The following SYNE1 variants were observed in gnomAD, a reference collection of about 807,000 sequenced individuals.
SYNE1 encodes nesprin-1.
In SYNE1, 616 loss-of-function variants were observed where a neutral mutation model predicts 1,111.0. The observed-to-expected ratio is 0.55, with a 90% CI of 0.52 to 0.59. SYNE1 has a LOEUF of 0.59. Ranked by LOEUF, SYNE1 falls within the 20% of genes least tolerant of loss-of-function variation. The pLI, the probability that SYNE1 is intolerant of heterozygous loss-of-function variation, is 0.00. For synonymous variants in SYNE1, 3,855 were observed against 3,825.8 expected (o/e 1.01, Z -0.28); for missense variants, 10,006 against 10,417.0 (o/e 0.96, Z 1.72).
chr6:152,279,416 A>C (rs1049009027), intron 97 of SYNE1, among the ~76,000 whole-genome samples: 3 of 152,026 alleles, frequency 2.0e-5, no homozygotes, highest in African/African-American at 7.2e-5. Flanking sequence ...CAAAATCAAA[A>C]TTAAGAATAT....
At chr6:152,204,164 A>C (rs2076053257) in intron 126 of SYNE1, among the ~76,000 whole-genome samples, 1 of 152,142 alleles carries the variant, frequency 6.6e-6, no homozygotes, top group South Asian at 2.1e-4. Context: ...CAGGAGTTCG[A>C]GACCAGCCTG....
At chr6:152,181,484 C>A (rs2068074271) in intron 128 of SYNE1, among the ~76,000 whole-genome samples, 1 of 152,164 alleles carries the variant, frequency 6.6e-6, no homozygotes, top group Non-Finnish European at 1.5e-5. Context: ...CTCCTCCTCA[C>A]TTACCTCCCA....
At chr6:152,151,212 A>ACT (rs1256251636) in intron 135 of SYNE1, among the ~76,000 whole-genome samples, 6 of 148,200 alleles carry the variant, frequency 4.0e-5, no homozygotes, top group Admixed American at 6.8e-5. Flanking sequence ...ACAGAGTGAG[A>ACT]CTCTCTCTAA....
At chr6:152,385,021 C>T (rs1055479329) in intron 55 of SYNE1, among the ~76,000 whole-genome samples, 1 of 152,070 alleles carries the variant, frequency 6.6e-6, no homozygotes, top group African/African-American at 2.4e-5. Context: ...CTATTTATTC[C>T]TAACATTTCC....
chr6:152,222,974 T>C (rs1013281412), intron 117 of SYNE1, among the ~76,000 whole-genome samples: 1 of 152,206 alleles, frequency 6.6e-6, no homozygotes, highest in Non-Finnish European at 1.5e-5. Context: ...GTTGTTTCTC[T>C]GGAAATAGTG....
intron 73 of SYNE1, among the ~76,000 whole-genome samples, chr6:152,345,893 T>C (rs2096620286): frequency 6.6e-6 from 1 of 152,232 alleles, no homozygotes; most frequent in Non-Finnish European, 1.5e-5. Context: ...CCCACTTAAG[T>C]GTAAGTCATA....
At chr6:152,196,429 C>T (rs1433222891) in intron 127 of SYNE1, among the ~76,000 whole-genome samples, 5 of 151,980 alleles carry the variant, frequency 3.3e-5, no homozygotes, top group Non-Finnish European at 1.5e-5. Flanking sequence ...GACCCAAGGC[C>T]CACAGTGTGT....
At chr6:152,394,910 G>A (rs2097707949) in intron 51 of SYNE1, among the ~76,000 whole-genome samples, 1 of 149,254 alleles carries the variant, frequency 6.7e-6, no homozygotes, top group Admixed American at 6.7e-5. Context: ...AGCCTCCCGG[G>A]TAGCTGGAAT....
At chr6:152,249,045 C>G in intron 105 of SYNE1, 116 bp downstream of exon 105, 1 of 760,402 alleles carries the variant, frequency 1.3e-6, no homozygotes, top group Non-Finnish European at 2.3e-6. Context: ...AACAAAAATA[C>G]TACAAACAAA....
Position 152,330,078 on chromosome 6 carries a change from A to G in SYNE1, c.14607T>C (p.Thr4869=), listed in dbSNP as rs1291845572. 6.2e-7 allele frequency: 1 copy of G among 1,614,054 alleles called. No homozygotes were observed. Among genetic ancestry groups the G allele is most frequent in the Non-Finnish European group, 8.5e-7 (1 of 1,180,026 alleles). Residue 4869 remains threonine, a synonymous_variant, in exon 78 of 146, where the codon ACT becomes ACC. Coordinates refer to ENST00000367255, the MANE Select transcript of SYNE1 (RefSeq NM_182961.4). ...CTGTCACCGTCTCACCAATGGCAGA[A>G]GTCAACAGTTTTAACTCCCCTTGCC... ...QSWQGELKLL[T]SAIGETVTEC...
In SYNE1 at chr6:152,331,462, G is replaced by A. The variant is rs886061204; in HGVS notation, c.13223C>T (p.Ala4408Val). 1 of 1,614,128 alleles carries A rather than the reference G, an allele frequency of 6.2e-7. No homozygotes were observed. Among genetic ancestry groups the A allele is most frequent in the East Asian group, 2.2e-5 (1 of 44,876 alleles). ...QMLLKSLIKD[A>V]DRVMADLGLN... ...ACCAAGATCTGCCATGACCCTGTCT[G>A]CGTCCTTTATAAGCGATTTCAGGAG... The change falls in exon 78 of 146, where the codon GCA becomes GTA. Residue 4408 changes from alanine to valine, a missense_variant. Ala to Val is a moderately conservative substitution (Grantham distance 64). This residue lies in a region of SYNE1 where 4,955 missense variants were observed against 5,017.2 expected (regional missense o/e 0.99). Coordinates refer to ENST00000367255, the MANE Select transcript of SYNE1 (RefSeq NM_182961.4).
intron 95 of SYNE1, among the ~76,000 whole-genome samples, chr6:152,288,669 C>T (rs2153747674): frequency 6.6e-6 from 1 of 152,338 alleles, no homozygotes; most frequent in Non-Finnish European, 1.5e-5. Flanking sequence ...GCCTTAGCCT[C>T]TCAAGTAGCT....
At chr6:152,366,596 G>C (rs1019472713) in intron 62 of SYNE1, among the ~76,000 whole-genome samples, 7 of 152,126 alleles carry the variant, frequency 4.6e-5, no homozygotes, top group Non-Finnish European at 7.4e-5. Flanking sequence ...CCTTCTGCAC[G>C]GTTCCACTCC....
intron 3 of SYNE1, among the ~76,000 whole-genome samples, chr6:152,605,122 AAG>A (rs2099611395): frequency 6.8e-6 from 1 of 147,676 alleles, no homozygotes; most frequent in Admixed American, 6.8e-5. Flanking sequence ...GGAAGGAAGG[AAG>A]GAAGGAGAAA....
Position 152,416,473 on chromosome 6 carries a change from C to T in SYNE1, c.5964G>A (p.Glu1988=), listed in dbSNP as rs1453683356. Residue 1988 remains glutamate, a synonymous_variant, in exon 41 of 146, where the codon GAG becomes GAA. Transcript: ENST00000367255. ...VLKKAFQDQK[E]ELLKSIEDIE... ...TGTCCTCAATGCTTTTCAGAAGCTCCTCTTTCTGGTCTTGGAATGCTTTTT... is the reference window on the plus strand; with the variant it reads ...TGTCCTCAATGCTTTTCAGAAGCTCTTCTTTCTGGTCTTGGAATGCTTTTT... The T allele has an allele frequency of 1.9e-6, 3 of 1,614,122 alleles. No individual in the cohort carries two copies. The South Asian group carries it at 3.3e-5, about 18-fold the overall frequency.
intron 3 of SYNE1, among the ~76,000 whole-genome samples, chr6:152,623,579 C>G (rs150406528): frequency 1.3e-5 from 2 of 152,216 alleles, no homozygotes; most frequent in African/African-American, 4.8e-5. Context: ...TCACAGTGAA[C>G]ACACAACCTA....
In SYNE1 at chr6:152,164,381, T is replaced by C. The variant is rs532939208; in HGVS notation, c.23628-56A>G. The C allele has an allele frequency of 1.5e-4, 239 of 1,606,078 alleles. 1 individual carries two copies. Among genetic ancestry groups the C allele is most frequent in the Non-Finnish European group, 2.0e-4 (233 of 1,174,414 alleles). Reference sequence around the variant, plus strand: ...TCAGCGAGAGGCCCACTCATGTTTCTCTAGCGTGCAGAGGAGAACACTGGG... The same window carrying C: ...TCAGCGAGAGGCCCACTCATGTTTCCCTAGCGTGCAGAGGAGAACACTGGG... On this transcript the variant is annotated intron_variant, in intron 130 of 145. Transcript: ENST00000367255.
At position 152,224,669 on chromosome 6, in the gene SYNE1, T is replaced by C. The variant is rs1027865791; in HGVS notation, c.21352-5A>G. 6.2e-7 allele frequency: 1 copy of C among 1,613,432 alleles called. No individual in the cohort carries two copies. The highest frequency in any genetic ancestry group is 8.5e-7 in the Non-Finnish European group (1 of 1,179,612). On this transcript the variant is annotated splice_polypyrimidine_tract_variant and splice_region_variant and intron_variant, in intron 116 of 145. Coordinates refer to ENST00000367255, the MANE Select transcript of SYNE1 (RefSeq NM_182961.4). ...CAGTATCTTTAATTGTCCAACCTTT[T>C]GAAAAAGACAAATATGGCTTATAAT...
At chr6:152,465,842 T>A (rs1358980460) in intron 17 of SYNE1, 140 bp downstream of exon 17, 1 of 667,280 alleles carries the variant, frequency 1.5e-6, no homozygotes, top group African/African-American at 1.8e-5. Flanking sequence ...GGGAACTGAA[T>A]CCAGTATGTG....
Sources: gnomAD v4.1 joint callset for allele counts (sites outside exome capture counted in the v4.1 genomes callset) on GRCh38, gnomAD v4.1.1 for gene constraint, gnomAD v4.1.1 regional missense constraint, MANE v1.5 for transcripts, NCBI Gene and HGNC (gene_info 2026-07-23, HGNC 2026-07-21) for gene names.